The following KCNMB2 variants were observed in gnomAD, a reference collection of about 807,000 sequenced individuals.
KCNMB2 encodes the protein calcium-activated potassium channel subunit beta-2.
In KCNMB2, 9 loss-of-function variants were observed where a neutral mutation model predicts 24.5. The observed-to-expected ratio is 0.37, with a 90% CI of 0.22 to 0.64. The LOEUF (loss-of-function observed/expected upper bound fraction) is 0.64, where lower values mean the gene tolerates loss of function less well. Among genes scored for constraint, KCNMB2 ranks in the 30% least tolerant of loss-of-function variants. The probability of loss-of-function intolerance (pLI) is 0.63; values close to 1 mark genes in which losing one functional copy is unlikely to be tolerated. For missense variants in KCNMB2, 226 were observed against 284.3 expected, an observed-to-expected ratio of 0.79 and a Z score of 1.47; for synonymous variants, 109 against 104.4, an observed-to-expected ratio of 1.04 and a Z score of -0.27.
intron 1 of KCNMB2, among the ~76,000 whole-genome samples, chr3:178,539,027 G>A (rs1277671476): frequency 2.0e-5 from 3 of 152,058 alleles, no homozygotes; most frequent in Non-Finnish European, 4.4e-5. Flanking sequence ...AGTCAGTCTT[G>A]TTTCCTCAGT....
At position 178,604,915 on chromosome 3, in the gene KCNMB2, A is replaced by C. The variant is rs543329408; in HGVS notation, c.-68+68204A>C. Among the ~76,000 whole-genome samples, 5 of 152,326 alleles carry C rather than the reference A, an allele frequency of 3.3e-5. No homozygotes were observed. The East Asian group carries it at 9.6e-4, about 29-fold the overall frequency. ...CCTAAGAATTCTGAAAACATGACAC[A>C]TTATACTCATAACTGTGATATAATA... is the stretch of plus-strand genomic sequence containing the variant. On this transcript the variant is annotated intron_variant, in intron 1 of 4. Coordinates refer to ENST00000452583, the MANE Select transcript of KCNMB2 (RefSeq NM_181361.3).
chr3:178,700,532 C>A (rs1264968285), intron 1 of KCNMB2, among the ~76,000 whole-genome samples: 2 of 152,210 alleles, frequency 1.3e-5, no homozygotes, highest in Admixed American at 6.5e-5. Context: ...GCCCTTCTTT[C>A]TCAAAAGGAA....
chr3:178,814,629 C>T (rs1335117414), intron 2 of KCNMB2, among the ~76,000 whole-genome samples: 1 of 152,168 alleles, frequency 6.6e-6, no homozygotes, highest in Admixed American at 6.5e-5. Context: ...TTCCTCTCAG[C>T]CTCACCAAGA....
intron 1 of KCNMB2, among the ~76,000 whole-genome samples, chr3:178,657,841 C>G (rs1398167181): frequency 6.6e-6 from 1 of 152,200 alleles, no homozygotes; most frequent in East Asian, 1.9e-4. Context: ...CAAGAGGCAG[C>G]CTCACTTTAT....
At chr3:178,798,659 G>A (rs1713649781) in intron 1 of KCNMB2, among the ~76,000 whole-genome samples, 1 of 152,076 alleles carries the variant, frequency 6.6e-6, no homozygotes, top group Non-Finnish European at 1.5e-5. Flanking sequence ...TCACTTATAA[G>A]TGAGAGCTGA....
At chr3:178,760,678 T>C (rs1241388397) in intron 1 of KCNMB2, among the ~76,000 whole-genome samples, 1 of 151,666 alleles carries the variant, frequency 6.6e-6, no homozygotes, top group African/African-American at 2.4e-5. Context: ...GAAACAAAGA[T>C]GCAGTCGAAG....
At chr3:178,544,797 A>C (rs1468510334) in intron 1 of KCNMB2, among the ~76,000 whole-genome samples, 1 of 152,222 alleles carries the variant, frequency 6.6e-6, no homozygotes, top group East Asian at 1.9e-4. Context: ...AAAATATGCA[A>C]CTAAAATTTT....
intron 4 of KCNMB2, among the ~76,000 whole-genome samples, chr3:178,831,911 C>A (rs907063285): frequency 2.6e-5 from 4 of 152,114 alleles, no homozygotes; most frequent in African/African-American, 7.2e-5. Context: ...AACTTGCAAT[C>A]TTGACTAATC....
At chr3:178,767,130 A>G (rs1057042345) in intron 1 of KCNMB2, among the ~76,000 whole-genome samples, 2 of 152,248 alleles carry the variant, frequency 1.3e-5, no homozygotes, top group African/African-American at 4.8e-5. Context: ...TATCTGGTTC[A>G]AAATGTGAAT....
chr3:178,823,097 T>A (rs533733129), intron 2 of KCNMB2, among the ~76,000 whole-genome samples: 2 of 152,366 alleles, frequency 1.3e-5, no homozygotes, highest in Admixed American at 1.3e-4. Flanking sequence ...TTCAGCCCAC[T>A]GGCTTTAGCT....
At chr3:178,665,976 A>G (rs1720704117) in intron 1 of KCNMB2, among the ~76,000 whole-genome samples, 1 of 152,164 alleles carries the variant, frequency 6.6e-6, no homozygotes. Context: ...GCTAATGCTG[A>G]TAAGTATGTA....
At chr3:178,834,300 C>T (rs980447341) in intron 4 of KCNMB2, among the ~76,000 whole-genome samples, 16 of 152,310 alleles carry the variant, frequency 1.1e-4, no homozygotes, top group Middle Eastern at 6.8e-3. Flanking sequence ...CAGAGTTACA[C>T]ATTCACTAAC....
At chr3:178,629,818 C>T (rs1224957143) in intron 1 of KCNMB2, among the ~76,000 whole-genome samples, 1 of 152,108 alleles carries the variant, frequency 6.6e-6, no homozygotes, top group Non-Finnish European at 1.5e-5. Context: ...ATGGAACTTC[C>T]TCATTAAGTT....
At chr3:178,711,351 T>C (rs1052507336) in intron 1 of KCNMB2, among the ~76,000 whole-genome samples, 10 of 152,158 alleles carry the variant, frequency 6.6e-5, no homozygotes, top group African/African-American at 2.4e-4. Flanking sequence ...CAGCAATTTG[T>C]TTTTATTCTT....
chr3:178,666,579 C>T (rs1285042491), intron 1 of KCNMB2, among the ~76,000 whole-genome samples: 2 of 152,106 alleles, frequency 1.3e-5, no homozygotes, highest in Admixed American at 1.3e-4. Flanking sequence ...GCTGATAAAA[C>T]TCGCATATGA....
At chr3:178,661,570 T>C (rs1401121333) in intron 1 of KCNMB2, among the ~76,000 whole-genome samples, 1 of 152,216 alleles carries the variant, frequency 6.6e-6, no homozygotes, top group Non-Finnish European at 1.5e-5. Context: ...ATCCTGGCTG[T>C]GTTCCAGTAA....
In KCNMB2 at chr3:178,840,832, A is replaced by G. The variant is rs571502860; in HGVS notation, c.424-1821A>G. 2.4e-4 allele frequency among the ~76,000 whole-genome samples: 37 copies of G among 152,356 alleles called. 1 individual carries two copies. Among genetic ancestry groups the G allele is most frequent in the Admixed American group, 2.2e-3 (33 of 15,304 alleles). ...AAGAGCTGCTACAAAAATCCCTGAC[A>G]TACCTAGAGACATTTTCCCCATTGT... is the stretch of plus-strand genomic sequence containing the variant. On this transcript the variant is annotated intron_variant, in intron 4 of 4. Coordinates refer to ENST00000452583, the MANE Select transcript of KCNMB2 (RefSeq NM_181361.3).
rs78787983 is a variant in KCNMB2, at chr3:178,630,623, G to C, written c.-68+93912G>C. Among the ~76,000 whole-genome samples, 1,095 of 152,334 alleles carry C rather than the reference G, an allele frequency of 7.2e-3. 13 individuals carry two copies. The highest frequency in any genetic ancestry group is 0.026 in the African/African-American group (1,061 of 41,568). On this transcript the variant is annotated intron_variant, in intron 1 of 4. Coordinates refer to ENST00000452583, the MANE Select transcript of KCNMB2 (RefSeq NM_181361.3). ...AGTATACTGTGGGCACCACAGTCCA[G>C]CTTCTAGTTTATAGTAAATTAATTC...
At chr3:178,609,241 T>C (rs957080585) in intron 1 of KCNMB2, among the ~76,000 whole-genome samples, 1 of 152,354 alleles carries the variant, frequency 6.6e-6, no homozygotes, top group Middle Eastern at 3.4e-3. Flanking sequence ...TGATCAGTGA[T>C]GTTGAGCACC....
Sources: gnomAD v4.1 joint callset for allele counts (sites outside exome capture counted in the v4.1 genomes callset) on GRCh38, gnomAD v4.1.1 for gene constraint, MANE v1.5 for transcripts, NCBI Gene and HGNC (gene_info 2026-07-23, HGNC 2026-07-21) for gene names.